CPEB3: variants seen among roughly 807,000 people sequenced by gnomAD.
The protein encoded by CPEB3 is cytoplasmic polyadenylation element-binding protein 3.
In CPEB3, 20 loss-of-function variants were observed where a neutral mutation model predicts 67.2. The observed-to-expected ratio is 0.30, with a 90% CI of 0.21 to 0.43. The LOEUF is 0.43. Ranked by LOEUF, CPEB3 falls within the 20% of genes least tolerant of loss-of-function variation. CPEB3 has a pLI of 1.00. For missense variants in CPEB3, 746 were observed against 968.6 expected (o/e 0.77, Z 3.05); for synonymous variants, 376 against 393.1 (o/e 0.96, Z 0.51).
chr10:92,149,252 C>A (rs891795197), intron 4 of CPEB3, among the ~76,000 whole-genome samples: 2 of 152,208 alleles, frequency 1.3e-5, no homozygotes, highest in Non-Finnish European at 2.9e-5. Flanking sequence ...CCATGATATT[C>A]TCACATAATC....
intron 1 of CPEB3, among the ~76,000 whole-genome samples, chr10:92,253,245 A>G (rs1852372973): frequency 6.6e-6 from 1 of 151,956 alleles, no homozygotes; most frequent in African/African-American, 2.4e-5. Flanking sequence ...GCGGATCACA[A>G]GGTCAAGAGA....
Position 92,239,159 on chromosome 10 carries a change from C to G in CPEB3, c.1005+187G>C, listed in dbSNP as rs1220342294. Among the ~76,000 whole-genome samples, 1 of 152,166 alleles carries G rather than the reference C, an allele frequency of 6.6e-6. No individual in the cohort carries two copies. The highest frequency in any genetic ancestry group is 2.4e-5 in the African/African-American group (1 of 41,430). The stretch of plus-strand genomic sequence containing the variant: ...ACGAATACGATTCCTCCAGTAATCA[C>G]AATGTTCTCCCAACCTCATCCTCTG... On this transcript the variant is annotated intron_variant, in intron 2 of 9. Coordinates refer to ENST00000265997, the MANE Select transcript of CPEB3 (RefSeq NM_014912.5). This position sits in a 1 kb window ranked among gnomAD's most constrained non-coding sequence, Gnocchi z 6.0.
At chr10:92,095,868 A>G (rs1027978524) in intron 7 of CPEB3, among the ~76,000 whole-genome samples, 1 of 151,602 alleles carries the variant, frequency 6.6e-6, no homozygotes, top group Non-Finnish European at 1.5e-5. Flanking sequence ...GGGTCAGCCA[A>G]TCTCAAATAG....
At chr10:92,280,367 A>AG (rs1554942109) in intron 1 of CPEB3, among the ~76,000 whole-genome samples, 1,375 of 128,146 alleles carry the variant, frequency 0.011, 4 homozygotes, top group Non-Finnish European at 0.018. Flanking sequence ...AAAAAAAAAA[A>AG]AGAGAGAGAG....
chr10:92,157,994 A>T (rs925471439), intron 4 of CPEB3, among the ~76,000 whole-genome samples: 1 of 151,932 alleles, frequency 6.6e-6, no homozygotes, highest in Non-Finnish European at 1.5e-5. Flanking sequence ...AAACACACTC[A>T]TATTTACTCA....
chr10:92,169,786 T>C (rs1378310339), intron 4 of CPEB3, among the ~76,000 whole-genome samples: 1 of 152,272 alleles, frequency 6.6e-6, no homozygotes, highest in Non-Finnish European at 1.5e-5. Flanking sequence ...CTTTTGGTTT[T>C]ATCTTTTTTA....
intron 7 of CPEB3, among the ~76,000 whole-genome samples, chr10:92,099,666 C>T (rs1844075215): frequency 6.8e-6 from 1 of 146,514 alleles, no homozygotes; most frequent in Admixed American, 6.9e-5. Flanking sequence ...CCAGTCTAGC[C>T]AACATGGTGA....
intron 6 of CPEB3, among the ~76,000 whole-genome samples, chr10:92,131,981 G>T (rs1480356761): frequency 6.6e-6 from 1 of 152,132 alleles, no homozygotes; most frequent in African/African-American, 2.4e-5. Flanking sequence ...AAAGAAACAA[G>T]TGAAGTTAAT....
At chr10:92,161,823 C>T (rs780481077) in intron 4 of CPEB3, among the ~76,000 whole-genome samples, 4 of 151,664 alleles carry the variant, frequency 2.6e-5, no homozygotes, top group Non-Finnish European at 4.4e-5. Flanking sequence ...ACCACCACGC[C>T]GGCTAATTTT....
intron 1 of CPEB3, among the ~76,000 whole-genome samples, chr10:92,250,189 G>A (rs1305124567): frequency 2.6e-5 from 4 of 151,556 alleles, no homozygotes; most frequent in African/African-American, 4.8e-5. Context: ...CTGGGTTCAC[G>A]CCATTCTCCT....
At chr10:92,171,895 C>T (rs917747343) in intron 4 of CPEB3, among the ~76,000 whole-genome samples, 4 of 152,158 alleles carry the variant, frequency 2.6e-5, no homozygotes, top group Admixed American at 6.5e-5. Context: ...GAAGTACAGG[C>T]GTGAGCCACC....
intron 7 of CPEB3, among the ~76,000 whole-genome samples, chr10:92,095,522 A>C (rs1291746607): frequency 6.6e-6 from 1 of 150,550 alleles, no homozygotes; most frequent in Non-Finnish European, 1.5e-5. Flanking sequence ...TCAGGTCCTG[A>C]TATCCATGTT....
chr10:92,139,943 C>A (rs951390490), intron 6 of CPEB3, among the ~76,000 whole-genome samples: 6 of 151,714 alleles, frequency 4.0e-5, no homozygotes, highest in Non-Finnish European at 8.8e-5. Context: ...TATGGTGGCA[C>A]AAGCCTGTAG....
rs141416578 is a variant in CPEB3, at chr10:92,154,512, C to G, written c.1223-9427G>C. On this transcript the variant is annotated intron_variant, in intron 4 of 9. Transcript: ENST00000265997. ...AGCCTTGAGCTGATGTTCAAGTTAT[C>G]CCCTGCTTTCATTACTTTATCATAA... Among the ~76,000 whole-genome samples, 575 of 152,264 alleles carry G rather than the reference C, an allele frequency of 3.8e-3. 3 individuals carry two copies. The highest frequency in any genetic ancestry group is 5.9e-3 in the Non-Finnish European group (401 of 67,990).
intron 6 of CPEB3, among the ~76,000 whole-genome samples, chr10:92,127,276 T>G (rs1231721509): frequency 6.6e-6 from 1 of 151,726 alleles, no homozygotes; most frequent in Non-Finnish European, 1.5e-5. Flanking sequence ...CTCTACTAAC[T>G]AAATAAGTAA....
At chr10:92,271,580 T>G (rs1853310160) in intron 1 of CPEB3, among the ~76,000 whole-genome samples, 1 of 152,182 alleles carries the variant, frequency 6.6e-6, no homozygotes, top group Non-Finnish European at 1.5e-5. Flanking sequence ...TGATCGAACT[T>G]AGGTCATACA....
At chr10:92,108,545 A>G (rs1844579533) in intron 7 of CPEB3, among the ~76,000 whole-genome samples, 1 of 152,232 alleles carries the variant, frequency 6.6e-6, no homozygotes. Flanking sequence ...CCAGTTCATT[A>G]AAATTGCAGG....
intron 4 of CPEB3, among the ~76,000 whole-genome samples, chr10:92,172,251 A>C (rs1848037762): frequency 1.3e-5 from 2 of 152,176 alleles, no homozygotes; most frequent in South Asian, 4.1e-4. Context: ...TCCCTACCTC[A>C]AACTGCACTG....
chr10:92,155,605 T>C (rs1214595688), intron 4 of CPEB3, among the ~76,000 whole-genome samples: 1 of 152,186 alleles, frequency 6.6e-6, no homozygotes, highest in East Asian at 1.9e-4. Context: ...GGACAAAACA[T>C]TTTCTGTCCG....
Sources: gnomAD v4.1 joint callset for allele counts (sites outside exome capture counted in the v4.1 genomes callset) on GRCh38, gnomAD v4.1.1 for gene constraint, Gnocchi (gnomAD v3.1) non-coding constraint, MANE v1.5 for transcripts, NCBI Gene and HGNC (gene_info 2026-07-23, HGNC 2026-07-21) for gene names.